The following APOBEC1 variants were observed in gnomAD, a reference collection of about 807,000 sequenced individuals.
APOBEC1 encodes the protein C->U-editing enzyme APOBEC-1.
In APOBEC1, 22 loss-of-function variants were observed where a neutral mutation model predicts 26.3. The observed-to-expected ratio is 0.84, with a 90% CI of 0.60 to 1.19. The LOEUF is 1.19. Ranked by LOEUF, APOBEC1 falls within the 50% of genes most tolerant of loss-of-function variation. APOBEC1 has a pLI of 0.00. For synonymous variants in APOBEC1, 77 were observed against 95.3 expected, an observed-to-expected ratio of 0.81 and a Z score of 1.12; for missense variants, 253 against 289.0, an observed-to-expected ratio of 0.88 and a Z score of 0.90.
At position 7,652,731 on chromosome 12, in the gene APOBEC1, A is replaced by T. The variant is rs767826625; in HGVS notation, c.149T>A (p.Ile50Asn). 1 of 1,614,090 alleles carries T rather than the reference A, an allele frequency of 6.2e-7. No homozygotes were observed. The highest frequency in any genetic ancestry group is 8.5e-7 in the Non-Finnish European group (1 of 1,180,036). ...YEIKWGMSRK[I>N]WRSSGKNTTN... is the part of the protein sequence containing the mutation. ...GGTGTTTTTGCCTGAGCTTCGCCAG[A>T]TCTTCCGGCTCATGCCCCACTTGAT... Residue 50 changes from isoleucine to asparagine, a missense_variant, in exon 3 of 5, where the codon ATC becomes AAC. Transcript: ENST00000229304.
intron 1 of APOBEC1, among the ~76,000 whole-genome samples, chr12:7,658,571 G>A (rs1175180901): frequency 6.6e-6 from 1 of 152,142 alleles, no homozygotes; most frequent in African/African-American, 2.4e-5. Context: ...GAAGGAAAAA[G>A]GAAGTCTGTG....
intron 1 of APOBEC1, 93 bp downstream of exon 1, chr12:7,665,761 ACAC>A: frequency 2.5e-6 from 1 of 399,966 alleles, no homozygotes; most frequent in South Asian, 3.2e-5. Flanking sequence ...GGACACACAC[ACAC>A]ACACACACAC....
chr12:7,668,763 C>T (rs1263618146), upstream of APOBEC1, among the ~76,000 whole-genome samples: 1 of 152,044 alleles, frequency 6.6e-6, no homozygotes, highest in Non-Finnish European at 1.5e-5. Flanking sequence ...GGGTCTTCCT[C>T]TATCGCCCAG....
At chr12:7,664,070 G>T (rs1863860192) in intron 1 of APOBEC1, among the ~76,000 whole-genome samples, 1 of 151,946 alleles carries the variant, frequency 6.6e-6, no homozygotes. Context: ...GGTCAGGCTG[G>T]TCTCAAACTC....
At chr12:7,666,036 G>T, upstream of APOBEC1, 1 of 756,564 alleles carries the variant, frequency 1.3e-6, no homozygotes, top group Non-Finnish European at 2.4e-6. Flanking sequence ...ACAAACAGGG[G>T]GCCGACTGAG....
Position 7,650,970 on chromosome 12 carries a change from T to C in APOBEC1, c.561+53A>G, listed in dbSNP as rs1333323353. The C allele has an allele frequency of 2.2e-6, 3 of 1,337,186 alleles. No individual in the cohort carries two copies. In the East Asian group the frequency reaches 6.9e-5, roughly 31 times the overall value. 82.8% of individuals were successfully genotyped at this position (1,337,186 alleles called of 1,614,324 possible). ...GTCAAATTTTCTCAGGAAAGACCTT[T>C]GAAGAAGGATGCTTCTTTTTGCATC... On this transcript the variant is annotated intron_variant, in intron 4 of 4. Transcript: ENST00000229304.
At chr12:7,656,807 C>T (rs1386537840) in intron 1 of APOBEC1, among the ~76,000 whole-genome samples, 1 of 152,156 alleles carries the variant, frequency 6.6e-6, no homozygotes, top group Non-Finnish European at 1.5e-5. Flanking sequence ...ACGTTAAGCA[C>T]TGTTATTACG....
rs1255104741 is a variant in APOBEC1, at chr12:7,649,544, T to C, written c.*3A>G. The C allele has an allele frequency of 1.2e-6, 2 of 1,613,918 alleles. No individual in the cohort carries two copies. Among genetic ancestry groups the C allele is most frequent in the East Asian group, 4.5e-5 (2 of 44,872 alleles). ...AATCAGTACACACACGGAATCATCC[T>C]ATTCATCTCCAAGCCACAGAAGGAT... On this transcript the variant is annotated 3_prime_UTR_variant, in exon 5 of 5. Transcript: ENST00000229304.
Position 7,660,865 on chromosome 12 carries a change from T to C in APOBEC1, c.16+4992A>G, listed in dbSNP as rs60619420. 2.0e-3 allele frequency among the ~76,000 whole-genome samples: 299 copies of C among 151,134 alleles called. 2 individuals are homozygous for C. The highest frequency in any genetic ancestry group is 6.9e-3 in the African/African-American group (285 of 41,132). The stretch of plus-strand genomic sequence containing the variant: ...ACCAAATATTGCATGTTCTCACTTA[T>C]AAGTGGGAGCTAAACCTTGGGTACA... On this transcript the variant is annotated intron_variant, in intron 1 of 4. Coordinates refer to ENST00000229304, the MANE Select transcript of APOBEC1 (RefSeq NM_001644.5).
chr12:7,666,515 G>A (rs1287452039), upstream of APOBEC1, among the ~76,000 whole-genome samples: 2 of 151,864 alleles, frequency 1.3e-5, no homozygotes, highest in African/African-American at 4.8e-5. Flanking sequence ...GGCTGTTTTT[G>A]AACTCTTGAC....
chr12:7,654,836 G>A (rs1487518024), intron 1 of APOBEC1, among the ~76,000 whole-genome samples: 3 of 152,140 alleles, frequency 2.0e-5, no homozygotes, highest in Non-Finnish European at 4.4e-5. Context: ...TCTTTTCCCA[G>A]ATGCCCAATC....
At chr12:7,660,060 CT>C (rs1863782260) in intron 1 of APOBEC1, among the ~76,000 whole-genome samples, 1 of 151,946 alleles carries the variant, frequency 6.6e-6, no homozygotes, top group African/African-American at 2.4e-5. Flanking sequence ...AATCCCAACA[CT>C]TGGGAGGCTG....
intron 1 of APOBEC1, among the ~76,000 whole-genome samples, chr12:7,655,300 C>T (rs367754478): frequency 2.0e-5 from 3 of 151,970 alleles, no homozygotes; most frequent in African/African-American, 4.8e-5. Flanking sequence ...CATCTGAGGT[C>T]GGGAGTTCCA....
intron 3 of APOBEC1, among the ~76,000 whole-genome samples, chr12:7,651,682 ACC>A (rs1444913986): frequency 6.6e-6 from 1 of 151,412 alleles, no homozygotes; most frequent in African/African-American, 2.4e-5. Context: ...TCGCTCTGTC[ACC>A]TAGGCCAGTG....
intron 2 of APOBEC1, among the ~76,000 whole-genome samples, chr12:7,654,204 G>A (rs767718450): frequency 6.6e-6 from 1 of 152,094 alleles, no homozygotes; most frequent in East Asian, 1.9e-4. Context: ...GACAATAACA[G>A]ATAAGCAAGC....
chr12:7,656,651 G>A (rs1249076808), intron 1 of APOBEC1, among the ~76,000 whole-genome samples: 1 of 152,196 alleles, frequency 6.6e-6, no homozygotes, highest in Non-Finnish European at 1.5e-5. Flanking sequence ...CATTTGGCAA[G>A]TTTCCTAACC....
Position 7,657,170 on chromosome 12 carries a change from A to G in APOBEC1, c.17-2538T>C, listed in dbSNP as rs150878247. 1.1e-3 allele frequency among the ~76,000 whole-genome samples: 165 copies of G among 152,250 alleles called. 3 individuals are homozygous for G. The Middle Eastern group carries it at 0.02, about 19-fold the overall frequency. On this transcript the variant is annotated intron_variant, in intron 1 of 4. Coordinates refer to ENST00000229304, the MANE Select transcript of APOBEC1 (RefSeq NM_001644.5). ...CATATTTGGCATCCCAGCCAGAATC[A>G]TTTGAACCAACTGCATTTCGTACTA...
Position 7,652,455 on chromosome 12 carries a change from T to TCA in APOBEC1, c.424_425insTG (p.Gln142LeufsTer4). ...GTTTTTACCTGATGCTCTCATAATCTGAATAGTTACTCCACTGTTAACAAG... is the reference window on the plus strand; with the variant it reads ...GTTTTTACCTGATGCTCTCATAATCTCAGAATAGTTACTCCACTGTTAACAAG... On this transcript the variant is annotated frameshift_variant, in exon 3 of 5. Transcript: ENST00000229304. LOFTEE classifies it high-confidence loss of function. 1 of 1,612,724 alleles carries TCA rather than the reference T, an allele frequency of 6.2e-7. No individual in the cohort carries two copies. Among genetic ancestry groups the TCA allele is most frequent in the East Asian group, 2.2e-5 (1 of 44,868 alleles).
intron 1 of APOBEC1, among the ~76,000 whole-genome samples, chr12:7,664,519 T>G (rs1863864995): frequency 6.6e-6 from 1 of 152,230 alleles, no homozygotes; most frequent in Non-Finnish European, 1.5e-5. Flanking sequence ...CTAACCAGTT[T>G]ATTCATTATA....
Sources: gnomAD v4.1 joint callset for allele counts (sites outside exome capture counted in the v4.1 genomes callset) on GRCh38, gnomAD v4.1.1 for gene constraint, MANE v1.5 for transcripts, NCBI Gene and HGNC (gene_info 2026-07-23, HGNC 2026-07-21) for gene names.